The following DDX59 variants were observed in gnomAD, a reference collection of about 807,000 sequenced individuals.
The protein encoded by DDX59 is DEAD-box helicase 59.
A neutral mutation model predicts 51.9 loss-of-function variants in DDX59; 30 were observed. The ratio of observed to expected loss-of-function variants is 0.58; its 90% CI spans 0.43 to 0.78. The LOEUF is 0.78. Among genes scored for constraint, DDX59 ranks in the 30% least tolerant of loss-of-function variants. The pLI is 0.00. For synonymous variants in DDX59, 255 were observed against 253.3 expected (o/e 1.01, Z -0.06); for missense variants, 672 against 730.8 (o/e 0.92, Z 0.93).
chr1:200,650,451 T>G lies in DDX59; in HGVS notation c.1288A>C (p.Lys430Gln). The G allele has an allele frequency of 6.2e-7, 1 of 1,613,058 alleles. No individual in the cohort carries two copies. The change falls in exon 5 of 8, where the codon AAG becomes CAG. Residue 430 changes from lysine to glutamine, a missense_variant. By Grantham distance (53) the Lys-to-Gln change is moderately conservative. Coordinates refer to ENST00000331314, the MANE Select transcript of DDX59 (RefSeq NM_001031725.6). The part of the protein sequence containing the change: ...IILWVEDPAK[K>Q]KKLFEILNDK... ...TTTAAAATTTCAAATAATTTTTTCTTTTTGGCTGGGTCTTCTACCCACAAA... is the reference window on the plus strand; with the variant it reads ...TTTAAAATTTCAAATAATTTTTTCTGTTTGGCTGGGTCTTCTACCCACAAA...
chr1:200,648,965 G>A (rs1223734464), intron 6 of DDX59, 109 bp downstream of exon 6: 2 of 1,119,490 alleles, frequency 1.8e-6, no homozygotes, highest in Middle Eastern at 3.1e-4. Context: ...TGGTCTTGTA[G>A]TCATTAAAAG....
chr1:200,667,365 G>T (rs1662838837), intron 1 of DDX59, among the ~76,000 whole-genome samples: 1 of 152,190 alleles, frequency 6.6e-6, no homozygotes, highest in South Asian at 2.1e-4. Flanking sequence ...CCTCACCATT[G>T]CACTCCAACC....
chr1:200,666,758 A>C lies in DDX59; in HGVS notation c.-11-7T>G. On this transcript the variant is annotated splice_region_variant and splice_polypyrimidine_tract_variant and intron_variant, in intron 1 of 7. Transcript: ENST00000331314. ...ACAAACATCCTTCAATATTCTGTTA[A>C]GGAAATTATATAATGAGATTTATTG... 3 of 1,591,136 alleles carry C rather than the reference A, an allele frequency of 1.9e-6. No individual in the cohort carries two copies. Among genetic ancestry groups the C allele is most frequent in the Non-Finnish European group, 2.6e-6 (3 of 1,167,930 alleles).
At chr1:200,664,225 T>C in intron 2 of DDX59, 139 bp from the exon 3 acceptor site, 1 of 827,604 alleles carries the variant, frequency 1.2e-6, no homozygotes, top group South Asian at 2.0e-5. Context: ...GCCTTCTGCT[T>C]ACTGCAGACT....
chr1:200,659,595 T>C (rs1346397531), intron 3 of DDX59, among the ~76,000 whole-genome samples: 2 of 152,222 alleles, frequency 1.3e-5, no homozygotes, highest in African/African-American at 2.4e-5. Context: ...CGTAACATCT[T>C]TGGGCTTTTT....
intron 7 of DDX59, among the ~76,000 whole-genome samples, chr1:200,646,937 G>A (rs1661330433): frequency 6.6e-6 from 1 of 152,154 alleles, no homozygotes; most frequent in African/African-American, 2.4e-5. Context: ...GTACCGATAC[G>A]TTCTATGATA....
At chr1:200,641,161 C>T, downstream of DDX59, 1 of 1,304,156 alleles carries the variant, frequency 7.7e-7, no homozygotes, top group Non-Finnish European at 1.0e-6. Flanking sequence ...ATGGAGTAAA[C>T]TTCATATTGA....
At chr1:200,665,866 A>G in intron 2 of DDX59, 71 bp downstream of exon 2, 1 of 1,474,234 alleles carries the variant, frequency 6.8e-7, no homozygotes, top group Non-Finnish European at 9.1e-7. Context: ...AATATAGTTA[A>G]AAATGAAACT....
chr1:200,666,709 C>T lies in DDX59; in HGVS notation c.32G>A (p.Arg11Lys), dbSNP rs1662786830. The T allele has an allele frequency of 2.5e-6, 4 of 1,611,920 alleles. No individual in the cohort carries two copies. The African/African-American group carries it at 5.3e-5, about 22-fold the overall frequency. MFVPRSLKIK[R>K]NANDDGKSCV... Reference sequence around the variant, plus strand: ...ACTTTTGCCATCATCATTAGCATTCCTCTTGATTTTTAGAGATCTTGGAAC... The same window carrying T: ...ACTTTTGCCATCATCATTAGCATTCTTCTTGATTTTTAGAGATCTTGGAAC... Residue 11 changes from arginine to lysine, a missense_variant, in exon 2 of 8, where the codon AGG becomes AAG. Coordinates refer to ENST00000331314, the MANE Select transcript of DDX59 (RefSeq NM_001031725.6).
chr1:200,663,938 C>T lies in DDX59; in HGVS notation c.953G>A (p.Arg318His), dbSNP rs777923913. The change falls in exon 3 of 8, where the codon CGT becomes CAT. Residue 318 changes from arginine to histidine, a missense_variant. Physicochemically the swap from Arg to His is conservative, Grantham distance 29. Transcript: ENST00000331314. Reference sequence around the variant, plus strand: ...GCTTACCTTAACATGTTGTTGCAGACGATAAAGCTGTGGGGGTAAGGGTAA... The same window carrying T: ...GCTTACCTTAACATGTTGTTGCAGATGATAAAGCTGTGGGGGTAAGGGTAA... ...GGLPLPPQLY[R>H]LQQHVKVIIA... is the part of the protein sequence containing the mutation. 131 of 1,612,194 alleles carry T rather than the reference C, an allele frequency of 8.1e-5. No homozygotes were observed. Among genetic ancestry groups the T allele is most frequent in the Non-Finnish European group, 1.0e-4 (119 of 1,179,440 alleles).
chr1:200,661,415 A>G (rs1246466401), intron 3 of DDX59, among the ~76,000 whole-genome samples: 1 of 152,216 alleles, frequency 6.6e-6, no homozygotes, highest in Non-Finnish European at 1.5e-5. Flanking sequence ...AAACTTGACA[A>G]TTACTTTACA....
chr1:200,663,091 G>A (rs1018598327), intron 3 of DDX59, among the ~76,000 whole-genome samples: 2 of 152,124 alleles, frequency 1.3e-5, no homozygotes, highest in African/African-American at 2.4e-5. Flanking sequence ...AGAAGCTGTC[G>A]AATACTGCAG....
chr1:200,668,221 T>A (rs1571663128), intron 1 of DDX59, among the ~76,000 whole-genome samples: 1 of 150,792 alleles, frequency 6.6e-6, no homozygotes, highest in East Asian at 2.0e-4. Context: ...GGCAGGAGAA[T>A]GGCGTGAACC....
At position 200,666,472 on chromosome 1, in the gene DDX59, G is replaced by A; in HGVS notation, c.269C>T (p.Pro90Leu). ...GAKDSHPSEE[P>L]VKSFSKTQRW... ...CTGTGTTTTGGAAAATGACTTAACG[G>A]GCTCTTCAGAAGGATGGCTGTCCTT... The change falls in exon 2 of 8, where the codon CCC becomes CTC. Residue 90 changes from proline (P) to leucine (L), a missense_variant. Pro to Leu is a moderately conservative substitution (Grantham distance 98). Coordinates refer to ENST00000331314, the MANE Select transcript of DDX59 (RefSeq NM_001031725.6). 4.3e-6 allele frequency: 7 copies of A among 1,614,152 alleles called. No individual in the cohort carries two copies. Among genetic ancestry groups the A allele is most frequent in the Non-Finnish European group, 5.9e-6 (7 of 1,180,026 alleles).
intron 3 of DDX59, among the ~76,000 whole-genome samples, chr1:200,663,353 C>G (rs1571648184): frequency 1.3e-5 from 2 of 152,186 alleles, no homozygotes; most frequent in African/African-American, 2.4e-5. Flanking sequence ...GTATCTTCAG[C>G]CACCCATTCA....
chr1:200,643,473 C>G (rs926728959), downstream of DDX59, among the ~76,000 whole-genome samples: 2 of 151,762 alleles, frequency 1.3e-5, no homozygotes, highest in African/African-American at 4.8e-5. Flanking sequence ...GAAACCCCAT[C>G]TCTACTAAAA....
downstream of DDX59, among the ~76,000 whole-genome samples, chr1:200,643,372 G>A (rs542228627): frequency 1.3e-5 from 2 of 152,284 alleles, no homozygotes; most frequent in East Asian, 3.9e-4. Context: ...GGCCAGGCGT[G>A]GTGGCTCATG....
chr1:200,643,153 GACA>G (rs1456348128), downstream of DDX59, among the ~76,000 whole-genome samples: 1 of 151,780 alleles, frequency 6.6e-6, no homozygotes, highest in East Asian at 1.9e-4. Context: ...AACATAGTGA[GACA>G]ACGCCTGTGG....
rs145557768 is a variant in DDX59, at chr1:200,644,827, C to T, written c.1597-310G>A. 7.7e-3 allele frequency among the ~76,000 whole-genome samples: 1,039 copies of T among 134,632 alleles called. 8 individuals carry two copies. The highest frequency in any genetic ancestry group is 0.012 in the Non-Finnish European group (782 of 65,552). The allele number at this position is 134,632 out of a possible 152,430, so 88.3% of individuals were successfully genotyped here. On this transcript the variant is annotated intron_variant, in intron 7 of 7. Coordinates refer to ENST00000331314, the MANE Select transcript of DDX59 (RefSeq NM_001031725.6). ...AAAAGAATCGCTTGAACCCAGGAGG[C>T]GGAGCTTGCAATGAGCTGAGATCGT...
Sources: allele counts gnomAD v4.1 joint callset (sites outside exome capture counted in the v4.1 genomes callset), GRCh38; gene constraint gnomAD v4.1.1; transcripts MANE v1.5; gene names NCBI Gene and HGNC (gene_info 2026-07-23, HGNC 2026-07-21).